The following GPR107 variants were observed in gnomAD, a reference collection of about 807,000 sequenced individuals.
The protein encoded by GPR107 is protein GPR107.
Under a neutral mutation model 75.5 loss-of-function variants are expected in GPR107, and 31 were observed. The ratio of observed to expected loss-of-function variants is 0.41; its 90% CI spans 0.31 to 0.55. The LOEUF (loss-of-function observed/expected upper bound fraction) is 0.55, where lower values mean the gene tolerates loss of function less well. GPR107 is among the 20% of genes least tolerant of loss of function. The pLI, the probability that GPR107 is intolerant of heterozygous loss-of-function variation, is 0.26. For synonymous variants in GPR107, 267 were observed against 251.3 expected, an observed-to-expected ratio of 1.06 and a Z score of -0.59; for missense variants, 572 against 665.7, an observed-to-expected ratio of 0.86 and a Z score of 1.55.
intron 9 of GPR107, 133 bp downstream of exon 9, chr9:130,092,514 G>C: frequency 1.4e-6 from 1 of 738,182 alleles, no homozygotes. Flanking sequence ...CCCGGAAACA[G>C]TATGAAGATT....
chr9:130,123,932 G>A (rs995362948), intron 14 of GPR107, among the ~76,000 whole-genome samples: 1 of 152,208 alleles, frequency 6.6e-6, no homozygotes, highest in Non-Finnish European at 1.5e-5. Flanking sequence ...CCAGAGGCAG[G>A]TGTTGTATCC....
chr9:130,070,957 G>A (rs888979387), intron 1 of GPR107, among the ~76,000 whole-genome samples: 1 of 150,486 alleles, frequency 6.6e-6, no homozygotes, highest in African/African-American at 2.4e-5. Context: ...GTCCTCAAGT[G>A]ACCCTCCCAC....
chr9:130,073,905 G>A (rs1023908784), intron 1 of GPR107, among the ~76,000 whole-genome samples: 2 of 152,178 alleles, frequency 1.3e-5, no homozygotes, highest in Non-Finnish European at 2.9e-5. Context: ...ACAGGCATGT[G>A]CCACAATGCC....
In GPR107 at chr9:130,136,685, C is replaced by T. The variant is rs1310296117; in HGVS notation, c.*1564C>T. On this transcript the variant is annotated 3_prime_UTR_variant, in exon 18 of 18. Coordinates refer to ENST00000347136, the MANE Select transcript of GPR107 (RefSeq NM_020960.5). ...CAGAACATGGTTGTTCTCCCTGTCC[C>T]ATGCTATCTTATCTTCCTAAATGAC... is the stretch of plus-strand genomic sequence containing the variant. 1.3e-5 allele frequency: 2 copies of T among 152,224 alleles called. No homozygotes were observed. The highest frequency in any genetic ancestry group is 2.9e-5 in the Non-Finnish European group (2 of 68,032). 9.4% of individuals were successfully genotyped at this position (152,224 alleles called of 1,614,324 possible).
chr9:130,124,876 A>C, intron 14 of GPR107, 39 bp from the exon 15 acceptor site: 1 of 1,330,248 alleles, frequency 7.5e-7, no homozygotes, highest in Non-Finnish European at 1.1e-6. Flanking sequence ...AAAAATGAGA[A>C]GTTAACGAGC....
intron 6 of GPR107, 147 bp downstream of exon 6, chr9:130,083,749 G>T (rs1830546215): frequency 6.8e-6 from 3 of 438,706 alleles, no homozygotes; most frequent in Non-Finnish European, 1.2e-5. Flanking sequence ...GGTGACCACA[G>T]GGGATTGGTT....
Position 130,065,692 on chromosome 9 carries a change from A to G in GPR107, c.142-9944A>G, listed in dbSNP as rs1016175801. Among the ~76,000 whole-genome samples, 5 of 146,486 alleles carry G rather than the reference A, an allele frequency of 3.4e-5. No homozygotes were observed. The East Asian group carries it at 1.0e-3, about 30-fold the overall frequency. Reference sequence around the variant, plus strand: ...TGAGGCAGGAGAATCACTTGAACCCAGGAGGTGGAGGTTGCAGTGAACCAA... The same window carrying G: ...TGAGGCAGGAGAATCACTTGAACCCGGGAGGTGGAGGTTGCAGTGAACCAA... On this transcript the variant is annotated intron_variant, in intron 1 of 17. Coordinates refer to ENST00000347136, the MANE Select transcript of GPR107 (RefSeq NM_020960.5).
chr9:130,078,084 G>A (rs1423721189), intron 4 of GPR107, among the ~76,000 whole-genome samples: 2 of 151,644 alleles, frequency 1.3e-5, no homozygotes, highest in Non-Finnish European at 2.9e-5. Context: ...AGAATGGTGT[G>A]AACCCAGGAG....
rs782145027 is a variant in GPR107 at position 130,135,125 on chromosome 9, A to T, written c.*4A>T. The T allele has an allele frequency of 6.4e-7, 1 of 1,553,988 alleles. No individual in the cohort carries two copies. The highest frequency in any genetic ancestry group is 8.9e-7 in the Non-Finnish European group (1 of 1,129,858). On this transcript the variant is annotated 3_prime_UTR_variant, in exon 18 of 18. Coordinates refer to ENST00000347136, the MANE Select transcript of GPR107 (RefSeq NM_020960.5). Reference sequence around the variant, plus strand: ...CGAGTGGGAAGGCGCCGTGTGACAGAGCCGACCCTGAGGATGGCACTGTCC... The same window carrying T: ...CGAGTGGGAAGGCGCCGTGTGACAGTGCCGACCCTGAGGATGGCACTGTCC...
intron 1 of GPR107, among the ~76,000 whole-genome samples, chr9:130,065,696 G>A (rs962944901): frequency 6.6e-6 from 1 of 150,826 alleles, no homozygotes; most frequent in Non-Finnish European, 1.5e-5. Context: ...GAACCCAGGA[G>A]GTGGAGGTTG....
At chr9:130,092,461 G>C in intron 9 of GPR107, 80 bp downstream of exon 9, 5 of 1,167,408 alleles carry the variant, frequency 4.3e-6, no homozygotes, top group Non-Finnish European at 2.6e-6. Context: ...GAACCTGGAG[G>C]CAGTTGTCAC....
At chr9:130,094,482 A>G (rs1036078283) in intron 9 of GPR107, among the ~76,000 whole-genome samples, 1 of 151,968 alleles carries the variant, frequency 6.6e-6, no homozygotes, top group African/African-American at 2.4e-5. Context: ...CTGAGGTGGG[A>G]GGATTGCTTG....
intron 13 of GPR107, among the ~76,000 whole-genome samples, chr9:130,105,966 G>A (rs1334809359): frequency 6.6e-6 from 1 of 152,112 alleles, no homozygotes; most frequent in Non-Finnish European, 1.5e-5. Context: ...AGTGGAATAT[G>A]AATGACTCTT....
chr9:130,083,542 CTT>C lies in GPR107; in HGVS notation c.527-20_527-19del, dbSNP rs370500687. The C allele has an allele frequency of 5.1e-5, 76 of 1,488,856 alleles. 1 individual carries two copies. The African/African-American group carries it at 7.4e-4, about 15-fold the overall frequency. The allele number at this position is 1,488,856 out of a possible 1,614,324, so 92.2% of individuals were successfully genotyped here. A position where few individuals can be genotyped will look rare whatever the true frequency, so the allele number is the denominator to read the frequency against. ...TGTAAGTTGAGTCATGCAGCACTCTCTTTTAAATGTTCTTGCTTCTAGATGGT... is the reference window on the plus strand; with the variant it reads ...TGTAAGTTGAGTCATGCAGCACTCTCTTAAATGTTCTTGCTTCTAGATGGT... On this transcript the variant is annotated intron_variant, in intron 5 of 17. Coordinates refer to ENST00000347136, the MANE Select transcript of GPR107 (RefSeq NM_020960.5).
intron 14 of GPR107, among the ~76,000 whole-genome samples, chr9:130,117,375 G>A (rs1029643655): frequency 2.0e-5 from 3 of 152,174 alleles, no homozygotes; most frequent in Non-Finnish European, 2.9e-5. Context: ...GTCTTTGAGT[G>A]GGATTAGTGG....
intron 6 of GPR107, among the ~76,000 whole-genome samples, 154 bp from the exon 7 acceptor site, chr9:130,086,266 C>T (rs1406299377): frequency 6.6e-6 from 1 of 152,024 alleles, no homozygotes; most frequent in Non-Finnish European, 1.5e-5. Context: ...TCAGCCATCT[C>T]GAAAGGATAG....
intron 12 of GPR107, among the ~76,000 whole-genome samples, chr9:130,102,242 C>G (rs1020804678): frequency 6.6e-6 from 1 of 152,120 alleles, no homozygotes; most frequent in Non-Finnish European, 1.5e-5. Flanking sequence ...GCCGGTCTTT[C>G]GGCTGTCGAG....
In GPR107 at chr9:130,109,826, C is replaced by T. The variant is rs568898042; in HGVS notation, c.1306+2287C>T. Reference sequence around the variant, plus strand: ...CCTCGCGATCCACCTGCCTCGGCCTCCCAAAGTGCTGGGATTACAGGCATG... The same window carrying T: ...CCTCGCGATCCACCTGCCTCGGCCTTCCAAAGTGCTGGGATTACAGGCATG... On this transcript the variant is annotated intron_variant, in intron 14 of 17. Transcript: ENST00000347136. 2.9e-3 allele frequency among the ~76,000 whole-genome samples: 437 copies of T among 152,318 alleles called. 6 individuals are homozygous for T. The highest frequency in any genetic ancestry group is 0.01 in the African/African-American group (419 of 41,580).
rs540484325 is a variant in GPR107 at position 130,103,302 on chromosome 9, A to C, written c.1132-1118A>C. ...AGAAATTAAACTTAGAGACTTCCTAAATAATAGCACTACAGATTTTACATG... is the reference window on the plus strand; with the variant it reads ...AGAAATTAAACTTAGAGACTTCCTACATAATAGCACTACAGATTTTACATG... On this transcript the variant is annotated intron_variant, in intron 12 of 17. Coordinates refer to ENST00000347136, the MANE Select transcript of GPR107 (RefSeq NM_020960.5). The surrounding 1 kb of genome is among the most constrained non-coding windows in gnomAD (Gnocchi z 4.3). Among the ~76,000 whole-genome samples the C allele has an allele frequency of 1.3e-5, 2 of 152,310 alleles. No homozygotes were observed. The highest frequency in any genetic ancestry group is 4.1e-4 in the South Asian group (2 of 4,826).
Sources: gnomAD v4.1 joint callset for allele counts (sites outside exome capture counted in the v4.1 genomes callset) on GRCh38, gnomAD v4.1.1 for gene constraint, Gnocchi (gnomAD v3.1) non-coding constraint, MANE v1.5 for transcripts, NCBI Gene and HGNC (gene_info 2026-07-23, HGNC 2026-07-21) for gene names.